The following C12orf42 variants were observed in gnomAD, a reference collection of about 807,000 sequenced individuals.
C12orf42 encodes the protein chromosome 12 open reading frame 42.
C12orf42 carries 25 observed loss-of-function variants against 21.6 expected under a neutral mutation model. That is an observed-to-expected ratio of 1.16 (90% confidence interval 0.84 to 1.62). The LOEUF (loss-of-function observed/expected upper bound fraction) is 1.62. Ranked by LOEUF, C12orf42 falls within the 40% of genes most tolerant of loss-of-function variation. The pLI is 0.00. For missense variants in C12orf42, 483 were observed against 459.3 expected (o/e 1.05, Z -0.47); for synonymous variants, 174 against 175.0 (o/e 0.99, Z 0.05).
chr12:103,256,394 G>A (rs1031568300), intron 10 of C12orf42, among the ~76,000 whole-genome samples: 1 of 151,284 alleles, frequency 6.6e-6, no homozygotes, highest in Admixed American at 6.6e-5. Context: ...AGGCAACAAG[G>A]TATGTGCCCT....
chr12:103,470,933 G>A (rs1953552844), intron 2 of C12orf42, among the ~76,000 whole-genome samples: 1 of 152,190 alleles, frequency 6.6e-6, no homozygotes, highest in Non-Finnish European at 1.5e-5. Flanking sequence ...TCTGCCCAGT[G>A]AATGCCTCAG....
At chr12:103,249,209 A>G (rs1359211713) in intron 10 of C12orf42, among the ~76,000 whole-genome samples, 3 of 152,100 alleles carry the variant, frequency 2.0e-5, no homozygotes, top group Non-Finnish European at 4.4e-5. Flanking sequence ...GTGAATACTC[A>G]TGGAGATTAG....
At chr12:103,240,351 G>C (rs1263423471) in intron 10 of C12orf42, among the ~76,000 whole-genome samples, 1 of 152,160 alleles carries the variant, frequency 6.6e-6, no homozygotes, top group Non-Finnish European at 1.5e-5. Context: ...ATCAGCTCTA[G>C]ATATAGCTTC....
At chr12:103,521,912 T>C in the C12orf42 span, among the ~76,000 whole-genome samples, 7 of 152,198 alleles carry the variant, frequency 4.6e-5, no homozygotes, top group African/African-American at 1.7e-4. Flanking sequence ...CTTAAGTCGA[T>C]ATATTAACAG....
chr12:103,401,721 T>C (rs2048017510), intron 2 of C12orf42, 46 bp from the exon 3 acceptor site: 16 of 1,551,702 alleles, frequency 1.0e-5, no homozygotes, highest in Non-Finnish European at 1.3e-5. Flanking sequence ...CAATAATTCT[T>C]ACAAAGAAAC....
intron 3 of C12orf42, among the ~76,000 whole-genome samples, chr12:103,383,040 G>C (rs1457583419): frequency 5.3e-5 from 8 of 152,044 alleles, no homozygotes; most frequent in Admixed American, 5.2e-4. Context: ...CATTGTCCTT[G>C]TCACAATATG....
chr12:103,383,136 CT>C (rs1198598924), intron 3 of C12orf42, among the ~76,000 whole-genome samples: 2 of 116,320 alleles, frequency 1.7e-5, no homozygotes, highest in African/African-American at 6.3e-5. Flanking sequence ...TTTTTTTTTT[CT>C]TTTTTTGAGA....
intron 1 of C12orf42, among the ~76,000 whole-genome samples, chr12:103,490,741 AT>A (rs1354307406): frequency 3.3e-5 from 5 of 151,796 alleles, no homozygotes; most frequent in Non-Finnish European, 4.4e-5. Context: ...AAAATAGTTT[AT>A]TATGTTAAAT....
At chr12:103,492,696 C>A (rs1955258864) in intron 1 of C12orf42, among the ~76,000 whole-genome samples, 1 of 152,132 alleles carries the variant, frequency 6.6e-6, no homozygotes, top group African/African-American at 2.4e-5. Flanking sequence ...CATCCCATGC[C>A]ACATCATAGA....
At chr12:103,136,609 C>T in the C12orf42 span, among the ~76,000 whole-genome samples, 15 of 152,260 alleles carry the variant, frequency 9.9e-5, no homozygotes, top group African/African-American at 3.4e-4. Context: ...AAGCTGGAAG[C>T]ATCAGACTAC....
At chr12:103,345,906 C>T (rs2042578273) in intron 4 of C12orf42, among the ~76,000 whole-genome samples, 1 of 152,118 alleles carries the variant, frequency 6.6e-6, no homozygotes, top group Non-Finnish European at 1.5e-5. Context: ...ATGATAATAA[C>T]TATGTACATG....
At chr12:103,088,603 C>T in the C12orf42 span, among the ~76,000 whole-genome samples, 2 of 152,204 alleles carry the variant, frequency 1.3e-5, no homozygotes, top group Non-Finnish European at 2.9e-5. Context: ...TCCTGGGATT[C>T]ATGTCCCTGC....
At chr12:103,388,740 T>A (rs1389690330) in intron 3 of C12orf42, among the ~76,000 whole-genome samples, 1 of 152,214 alleles carries the variant, frequency 6.6e-6, no homozygotes, top group African/African-American at 2.4e-5. Flanking sequence ...ATTATTGTAT[T>A]CTCTCTGGCC....
chr12:103,472,792 A>T (rs1038175982), intron 2 of C12orf42, among the ~76,000 whole-genome samples: 1 of 152,258 alleles, frequency 6.6e-6, no homozygotes, highest in African/African-American at 2.4e-5. Flanking sequence ...GGAAAAAAGA[A>T]TGGAACACAC....
At chr12:103,438,976 C>T (rs895223633) in intron 2 of C12orf42, among the ~76,000 whole-genome samples, 1 of 152,166 alleles carries the variant, frequency 6.6e-6, no homozygotes, top group Non-Finnish European at 1.5e-5. Context: ...AAGAACAAAG[C>T]TGGAGGCATC....
At chr12:103,173,249 T>C in the C12orf42 span, among the ~76,000 whole-genome samples, 3 of 152,282 alleles carry the variant, frequency 2.0e-5, no homozygotes, top group African/African-American at 7.2e-5. Context: ...AGTTTAATGT[T>C]TTTTATTGTA....
At chr12:103,401,745 A>G in intron 2 of C12orf42, 70 bp from the exon 3 acceptor site, 1 of 1,464,878 alleles carries the variant, frequency 6.8e-7, no homozygotes, top group South Asian at 1.2e-5. Context: ...TCCATTCCTG[A>G]GATGGTTTTT....
At chr12:103,307,215 G>T (rs577509318) in intron 4 of C12orf42, among the ~76,000 whole-genome samples, 42 of 152,318 alleles carry the variant, frequency 2.8e-4, no homozygotes, top group African/African-American at 1.0e-3. Context: ...ATAATTAGCA[G>T]AGTTGAAACT....
In C12orf42 at chr12:103,322,125, GCACACACACACACACACACA is replaced by G. The variant is rs34616179; in HGVS notation, c.260-15800_260-15781del. On this transcript the variant is annotated intron_variant, in intron 4 of 5. Transcript: ENST00000548883. ...CACGCGCGTGCGTGCGCGCGCGCGC[GCACACACACACACACACACA>G]CACACGCACACGCACACAACTTTCT... is the stretch of plus-strand genomic sequence containing the variant. Among the ~76,000 whole-genome samples the G allele has an allele frequency of 4.4e-5, 4 of 90,564 alleles. No homozygotes were observed. In the South Asian group the frequency reaches 1.9e-3, roughly 42 times the overall value. 59.4% of individuals were successfully genotyped at this position (90,564 alleles called of 152,430 possible).
Sources: gnomAD v4.1 joint callset for allele counts (sites outside exome capture counted in the v4.1 genomes callset) on GRCh38, gnomAD v4.1.1 for gene constraint, MANE v1.5 for transcripts, NCBI Gene and HGNC (gene_info 2026-07-23, HGNC 2026-07-21) for gene names.